C8orf34: variants seen among roughly 807,000 people sequenced by gnomAD.
C8orf34 encodes the protein uncharacterized protein C8orf34.
A neutral mutation model predicts 68.3 loss-of-function variants in C8orf34; 65 were observed. The observed-to-expected ratio is 0.95, with a 90% CI of 0.78 to 1.17. The LOEUF (loss-of-function observed/expected upper bound fraction) is 1.17, where lower values mean the gene tolerates loss of function less well. Ranked by LOEUF, C8orf34 falls within the 50% of genes most tolerant of loss-of-function variation. C8orf34 has a pLI of 0.00. For synonymous variants in C8orf34, 244 were observed against 241.2 expected (o/e 1.01, Z -0.11); for missense variants, 664 against 655.4 (o/e 1.01, Z -0.14).
At chr8:68,764,768 C>T (rs1212562803) in intron 10 of C8orf34, among the ~76,000 whole-genome samples, 1 of 152,096 alleles carries the variant, frequency 6.6e-6, no homozygotes, top group Admixed American at 6.5e-5. Flanking sequence ...AATAGATAGT[C>T]GGGAACAAGG....
intron 1 of C8orf34, among the ~76,000 whole-genome samples, chr8:68,332,782 C>G (rs1175705360): frequency 1.3e-5 from 2 of 152,070 alleles, no homozygotes; most frequent in East Asian, 3.9e-4. Context: ...GGTGCAGAGT[C>G]CTACAATTGC....
chr8:68,675,615 A>G (rs1820163107), intron 8 of C8orf34, among the ~76,000 whole-genome samples: 1 of 152,078 alleles, frequency 6.6e-6, no homozygotes, highest in African/African-American at 2.4e-5. Context: ...AATAAAACAT[A>G]CCACCAGAGA....
chr8:68,474,645 A>T (rs17383779), intron 4 of C8orf34, among the ~76,000 whole-genome samples: 102,781 of 151,976 alleles, frequency 0.68, 35,215 homozygotes, highest in East Asian at 0.88. Context: ...ACGTCAATAT[A>T]TTCTCACTCA....
chr8:68,597,050 C>A (rs1817565528), intron 7 of C8orf34, among the ~76,000 whole-genome samples: 1 of 152,124 alleles, frequency 6.6e-6, no homozygotes, highest in Admixed American at 6.5e-5. Context: ...AACTTGATTT[C>A]TTTATTTTTA....
chr8:68,475,738 C>T (rs1336441888), intron 4 of C8orf34, among the ~76,000 whole-genome samples: 1 of 152,246 alleles, frequency 6.6e-6, no homozygotes, highest in East Asian at 1.9e-4. Flanking sequence ...ACAAAACCTT[C>T]TACTTCGTGA....
intron 1 of C8orf34, among the ~76,000 whole-genome samples, chr8:68,413,612 C>G (rs960240748): frequency 2.0e-5 from 3 of 152,290 alleles, no homozygotes; most frequent in Admixed American, 1.3e-4. Context: ...TGAATGGCAT[C>G]AACATCAGCC....
chr8:68,475,758 C>T (rs1174623547), intron 4 of C8orf34, among the ~76,000 whole-genome samples: 5 of 152,200 alleles, frequency 3.3e-5, no homozygotes, highest in Non-Finnish European at 7.3e-5. Context: ...AGGCACTATT[C>T]CCAGGGTGGC....
At position 68,554,540 on chromosome 8, in the gene C8orf34, G is replaced by A. The variant is rs1376662886; in HGVS notation, c.1105+21391G>A. On this transcript the variant is annotated intron_variant, in intron 7 of 13. Transcript: ENST00000518698. ...TTTCCTATCTCAGCTGCTATTCATG[G>A]TCCTTAATATAATTATACAATAGTT... Among the ~76,000 whole-genome samples the A allele has an allele frequency of 4.6e-5, 7 of 152,116 alleles. No homozygotes were observed. In the South Asian group the frequency reaches 1.2e-3, roughly 27 times the overall value.
chr8:68,589,048 C>G (rs1253701300), intron 7 of C8orf34, among the ~76,000 whole-genome samples: 1 of 152,254 alleles, frequency 6.6e-6, no homozygotes, highest in East Asian at 1.9e-4. Context: ...ACAATTTGCT[C>G]ACCCTTGGAC....
At chr8:68,401,476 A>G in intron 1 of C8orf34, among the ~76,000 whole-genome samples, 1 of 152,024 alleles carries the variant, frequency 6.6e-6, no homozygotes, top group South Asian at 2.1e-4. Context: ...GAATACTTTC[A>G]CCTTTTCCCT....
At chr8:68,650,512 CT>C (rs1819321384) in intron 8 of C8orf34, among the ~76,000 whole-genome samples, 1 of 145,776 alleles carries the variant, frequency 6.9e-6, no homozygotes, top group African/African-American at 2.6e-5. Context: ...CGGAGTCTCG[CT>C]CTGTCGCCCA....
intron 2 of C8orf34, among the ~76,000 whole-genome samples, chr8:68,440,779 C>A (rs536991035): frequency 6.7e-6 from 1 of 150,314 alleles, no homozygotes; most frequent in Non-Finnish European, 1.5e-5. Context: ...AAATCAGTAT[C>A]TGGAGAGAAA....
At chr8:68,808,418 T>G (rs1005944298) in intron 12 of C8orf34, among the ~76,000 whole-genome samples, 6 of 152,112 alleles carry the variant, frequency 3.9e-5, no homozygotes, top group South Asian at 2.1e-4. Context: ...TTGATAAATA[T>G]TAGTTCTAAG....
intron 5 of C8orf34, among the ~76,000 whole-genome samples, chr8:68,497,732 C>T (rs1813587200): frequency 6.6e-6 from 1 of 151,406 alleles, no homozygotes; most frequent in South Asian, 2.1e-4. Flanking sequence ...TAATATATTG[C>T]TAAATGAAAA....
chr8:68,774,349 A>G (rs988999508), intron 10 of C8orf34, among the ~76,000 whole-genome samples: 1 of 147,774 alleles, frequency 6.8e-6, no homozygotes, highest in Non-Finnish European at 1.5e-5. Flanking sequence ...ATATATATAT[A>G]AAATAAACAA....
At chr8:68,463,913 T>G (rs1333496562) in intron 3 of C8orf34, among the ~76,000 whole-genome samples, 1 of 152,284 alleles carries the variant, frequency 6.6e-6, no homozygotes, top group South Asian at 2.1e-4. Context: ...ACTACTCCTA[T>G]TCAACATAGT....
Position 68,573,468 on chromosome 8 carries a change from A to G in C8orf34, c.1105+40319A>G, listed in dbSNP as rs149952975. Among the ~76,000 whole-genome samples, 1,245 of 152,276 alleles carry G rather than the reference A, an allele frequency of 8.2e-3. 21 individuals carry two copies. Among genetic ancestry groups the G allele is most frequent in the African/African-American group, 0.028 (1,174 of 41,570 alleles). On this transcript the variant is annotated intron_variant, in intron 7 of 13. Transcript: ENST00000518698. ...AGAGCCAGGCTCCCAGCTATGCCCA[A>G]CTGAGATCAGCAGAGTTGTCCCAAT...
At chr8:68,523,209 ATT>A (rs947535793) in intron 6 of C8orf34, among the ~76,000 whole-genome samples, 1 of 152,164 alleles carries the variant, frequency 6.6e-6, no homozygotes, top group East Asian at 1.9e-4. Flanking sequence ...AATGAGGGTA[ATT>A]TTTTTAATAC....
chr8:68,546,519 A>G (rs1024158703), intron 7 of C8orf34, among the ~76,000 whole-genome samples: 2 of 151,934 alleles, frequency 1.3e-5, no homozygotes, highest in African/African-American at 4.8e-5. Context: ...AAAAAAAGAG[A>G]CAAATGGGAT....
Sources: allele counts gnomAD v4.1 joint callset (sites outside exome capture counted in the v4.1 genomes callset), GRCh38; gene constraint gnomAD v4.1.1; transcripts MANE v1.5; gene names NCBI Gene and HGNC (gene_info 2026-07-23, HGNC 2026-07-21).